KCNIP1: variants seen among roughly 807,000 people sequenced by gnomAD.
The protein encoded by KCNIP1 is potassium voltage-gated channel interacting protein 1, also known as A-type potassium channel modulatory protein KCNIP1.
A neutral mutation model predicts 33.0 loss-of-function variants in KCNIP1; 18 were observed. That is an observed-to-expected ratio of 0.55 (90% CI 0.38 to 0.81). The LOEUF is 0.81. Among genes scored for constraint, KCNIP1 ranks in the 30% least tolerant of loss-of-function variants. The pLI, the probability that KCNIP1 is intolerant of heterozygous loss-of-function variation, is 0.00. For synonymous variants in KCNIP1, 93 were observed against 98.3 expected (o/e 0.95, Z 0.32); for missense variants, 238 against 271.6 (o/e 0.88, Z 0.87).
chr5:170,471,850 G>A (rs1024896812), intron 1 of KCNIP1, among the ~76,000 whole-genome samples: 2 of 152,142 alleles, frequency 1.3e-5, no homozygotes, highest in African/African-American at 4.8e-5. Flanking sequence ...ATTTCTTGGT[G>A]TTCATTTTAA....
At chr5:170,623,937 C>T (rs1759713496) in intron 1 of KCNIP1, among the ~76,000 whole-genome samples, 1 of 152,202 alleles carries the variant, frequency 6.6e-6, no homozygotes, top group South Asian at 2.1e-4. Flanking sequence ...CCAGCCTTCA[C>T]TCCACGCCCA....
intron 1 of KCNIP1, among the ~76,000 whole-genome samples, chr5:170,546,166 T>C (rs1470049884): frequency 6.6e-6 from 1 of 152,242 alleles, no homozygotes; most frequent in Non-Finnish European, 1.5e-5. Flanking sequence ...TCCTCAGCCC[T>C]AAAAGCCTGA....
At chr5:170,359,540 T>A (rs1298852184) in intron 1 of KCNIP1, among the ~76,000 whole-genome samples, 1 of 152,256 alleles carries the variant, frequency 6.6e-6, no homozygotes, top group East Asian at 1.9e-4. Flanking sequence ...AGCACTCTGG[T>A]CATGTTACAA....
At chr5:170,467,601 T>C (rs1379438447) in intron 1 of KCNIP1, among the ~76,000 whole-genome samples, 2 of 152,100 alleles carry the variant, frequency 1.3e-5, no homozygotes, top group African/African-American at 4.8e-5. Context: ...TAGGTGAGCA[T>C]CTTCTAACCC....
At chr5:170,633,455 G>A (rs1270100727) in intron 1 of KCNIP1, among the ~76,000 whole-genome samples, 1 of 151,042 alleles carries the variant, frequency 6.6e-6, no homozygotes, top group Admixed American at 6.6e-5. Flanking sequence ...AGATGTCTGG[G>A]AGGAGAGCTT....
At position 170,388,018 on chromosome 5, in the gene KCNIP1, G is replaced by GC. The variant is rs3838244; in HGVS notation, c.88+34062dup. 6.6e-3 allele frequency among the ~76,000 whole-genome samples: 979 copies of GC among 148,906 alleles called. 7 individuals carry two copies. The highest frequency in any genetic ancestry group is 0.028 in the Middle Eastern group (8 of 282). On this transcript the variant is annotated intron_variant, in intron 1 of 7. Transcript: ENST00000377360. ...CCTGTGGCTCCTTCCTGGCTAATCA[G>GC]CCCCCCCCAGCGCCCAGGGCCATGG... is the stretch of plus-strand genomic sequence containing the variant.
intron 1 of KCNIP1, among the ~76,000 whole-genome samples, chr5:170,455,695 T>C (rs886659869): frequency 5.9e-5 from 9 of 152,192 alleles, no homozygotes; most frequent in Admixed American, 5.9e-4. Flanking sequence ...AAGTAACCAA[T>C]TGGTTGAAGA....
At chr5:170,432,374 C>T (rs1233281125) in intron 1 of KCNIP1, among the ~76,000 whole-genome samples, 1 of 152,176 alleles carries the variant, frequency 6.6e-6, no homozygotes, top group African/African-American at 2.4e-5. Flanking sequence ...GGAATGGTGC[C>T]TGGCACCTAA....
chr5:170,586,156 G>T (rs541858627), intron 1 of KCNIP1, among the ~76,000 whole-genome samples: 38 of 152,220 alleles, frequency 2.5e-4, no homozygotes, highest in Non-Finnish European at 5.0e-4. Flanking sequence ...TAAAGAGTTT[G>T]TCCCCATGCC....
chr5:170,522,390 C>T (rs1017588029), intron 1 of KCNIP1, among the ~76,000 whole-genome samples: 2 of 152,210 alleles, frequency 1.3e-5, no homozygotes, highest in Non-Finnish European at 2.9e-5. Flanking sequence ...TAATGTGCTC[C>T]CCAGGCAGCT....
chr5:170,616,788 G>T (rs1759391646), intron 1 of KCNIP1, among the ~76,000 whole-genome samples: 1 of 152,106 alleles, frequency 6.6e-6, no homozygotes, highest in East Asian at 1.9e-4. Flanking sequence ...CTTCGCCCAG[G>T]CTATTCCATC....
intron 1 of KCNIP1, among the ~76,000 whole-genome samples, chr5:170,691,101 G>A (rs182775929): frequency 6.6e-6 from 1 of 152,338 alleles, no homozygotes; most frequent in East Asian, 1.9e-4. Context: ...CAAGGCTACA[G>A]CATTTCTCTA....
chr5:170,708,446 A>T (rs1230999237), intron 1 of KCNIP1, among the ~76,000 whole-genome samples: 1 of 152,248 alleles, frequency 6.6e-6, no homozygotes, highest in Non-Finnish European at 1.5e-5. Context: ...AGTCCTGTAA[A>T]TTATTTGCAG....
intron 1 of KCNIP1, among the ~76,000 whole-genome samples, chr5:170,650,996 C>T (rs1481226038): frequency 6.6e-6 from 1 of 152,192 alleles, no homozygotes; most frequent in African/African-American, 2.4e-5. Flanking sequence ...TAATTAGGAG[C>T]TTCTGAACCC....
At chr5:170,562,843 T>A (rs1757079467) in intron 1 of KCNIP1, among the ~76,000 whole-genome samples, 1 of 152,202 alleles carries the variant, frequency 6.6e-6, no homozygotes, top group South Asian at 2.1e-4. Context: ...CAGAATAAGG[T>A]TCAGGCCCTG....
chr5:170,629,123 CT>C (rs2113665588), intron 1 of KCNIP1, among the ~76,000 whole-genome samples: 2 of 152,364 alleles, frequency 1.3e-5, no homozygotes, highest in South Asian at 4.1e-4. Flanking sequence ...TCCTTCGCCC[CT>C]GACATACGCA....
At position 170,492,391 on chromosome 5, in the gene KCNIP1, G is replaced by T. The variant is rs146225007; in HGVS notation, c.88+138427G>T. ...CATCGAGTTTCTATGCCCTCTCCAG[G>T]CATGCCTTTCTCCCAGCACTTGGAC... is the stretch of plus-strand genomic sequence containing the variant. On this transcript the variant is annotated intron_variant, in intron 1 of 7. Transcript: ENST00000377360. Among the ~76,000 whole-genome samples, 83 of 152,372 alleles carry T rather than the reference G, an allele frequency of 5.4e-4. No homozygotes were observed. In the East Asian group the frequency reaches 8.7e-3, roughly 16 times the overall value.
chr5:170,511,833 A>G (rs1754943898), intron 1 of KCNIP1, among the ~76,000 whole-genome samples: 1 of 152,232 alleles, frequency 6.6e-6, no homozygotes, highest in East Asian at 1.9e-4. Context: ...TCTAACTGCC[A>G]TACTAACCTC....
intron 1 of KCNIP1, among the ~76,000 whole-genome samples, chr5:170,462,599 C>A (rs1425393412): frequency 1.3e-5 from 2 of 152,152 alleles, no homozygotes; most frequent in Non-Finnish European, 2.9e-5. Context: ...AAAAGTAGAA[C>A]TACCATTTGA....
Sources: allele counts gnomAD v4.1 joint callset (sites outside exome capture counted in the v4.1 genomes callset), GRCh38; gene constraint gnomAD v4.1.1; transcripts MANE v1.5; gene names NCBI Gene and HGNC (gene_info 2026-07-23, HGNC 2026-07-21).